The following PRSS53 variants were observed in gnomAD, a reference collection of about 807,000 sequenced individuals.
PRSS53 encodes the protein serine protease 53, also known as EDTP308.
PRSS53 carries 54 observed loss-of-function variants against 62.7 expected under a neutral mutation model. The ratio of observed to expected loss-of-function variants is 0.86; its 90% CI spans 0.69 to 1.08. PRSS53 has a LOEUF of 1.08. PRSS53 is among the 50% of genes least tolerant of loss of function. The pLI, the probability that PRSS53 is intolerant of heterozygous loss-of-function variation, is 0.00. For synonymous variants in PRSS53, 273 were observed against 300.0 expected (o/e 0.91, Z 0.93); for missense variants, 688 against 728.3 (o/e 0.94, Z 0.64).
intron 10 of PRSS53, 50 bp from the exon 11 acceptor site, chr16:31,083,859 T>TGCCACCCAA: frequency 6.3e-7 from 1 of 1,590,058 alleles, no homozygotes; most frequent in Non-Finnish European, 8.6e-7. Context: ...ACGGCTTTGG[T>TGCCACCCAA]CCCTCCCTCC....
exon 6 of PRSS53, chr16:31,086,105 T>G: frequency 6.2e-7 from 1 of 1,613,684 alleles, no homozygotes. Flanking sequence ...TGGGCACAGC[T>G]TGATGCAAAG....
intron 10 of PRSS53, 144 bp from the exon 11 acceptor site, chr16:31,083,953 G>T: frequency 2.6e-6 from 4 of 1,515,184 alleles, no homozygotes; most frequent in Non-Finnish European, 2.7e-6. Context: ...TGAGCAGCCT[G>T]CTCCAAGTCA....
chr16:31,087,085 C>A, intron 3 of PRSS53, 187 bp from the exon 4 acceptor site: 1 of 603,074 alleles, frequency 1.7e-6, no homozygotes, highest in African/African-American at 1.9e-5. Context: ...CAAGCCTTGA[C>A]CTCCCAGGCT....
chr16:31,085,247 C>T (rs1385676678), exon 7 of PRSS53: 1 of 1,579,864 alleles, frequency 6.3e-7, no homozygotes, highest in Non-Finnish European at 8.6e-7. Flanking sequence ...CTGCTGTCCT[C>T]AAGGATCCAC....
exon 4 of PRSS53, chr16:31,086,738 C>G: frequency 6.3e-7 from 1 of 1,596,630 alleles, no homozygotes; most frequent in Non-Finnish European, 8.5e-7. Context: ...GTGGGGTGGG[C>G]GAGCTGCAGC....
At chr16:31,085,898 C>T (rs2057227211) in intron 6 of PRSS53, 66 bp downstream of exon 6, 2 of 1,449,500 alleles carry the variant, frequency 1.4e-6, no homozygotes, top group Non-Finnish European at 1.9e-6. Flanking sequence ...TATGCCAGTT[C>T]TCTAGTCCTA....
intron 10 of PRSS53, 66 bp from the exon 11 acceptor site, chr16:31,083,875 CAT>C: frequency 6.2e-7 from 1 of 1,610,714 alleles, no homozygotes; most frequent in African/African-American, 1.3e-5. Flanking sequence ...CCTCCCTCCC[CAT>C]TCCTCGAAGG....
intron 1 of PRSS53, chr16:31,088,127 C>T (rs755101578): frequency 1.1e-4 from 151 of 1,352,198 alleles, no homozygotes; most frequent in Non-Finnish European, 1.3e-4. Flanking sequence ...CTCCTGCCCC[C>T]GCCACTGAGT....
In PRSS53 at chr16:31,088,745, G is replaced by C. The variant is rs146786245; in HGVS notation, c.58+7C>G. ...CCACACCCATACCCCAGCACATGGCGGCTTACCCTCCATGAGGACTGTGGC... is the reference window on the plus strand; with the variant it reads ...CCACACCCATACCCCAGCACATGGCCGCTTACCCTCCATGAGGACTGTGGC... On this transcript the variant is annotated splice_region_variant and intron_variant, in intron 1 of 10. Transcript: ENST00000280606. The C allele has an allele frequency of 7.4e-6, 12 of 1,613,396 alleles. No individual in the cohort carries two copies. In the Admixed American group the frequency reaches 2.0e-4, roughly 27 times the overall value.
chr16:31,084,459 G>A, intron 9 of PRSS53, 99 bp downstream of exon 9: 1 of 1,501,394 alleles, frequency 6.7e-7, no homozygotes, highest in Non-Finnish European at 9.0e-7. Context: ...TCAGGTGGGA[G>A]GTGGGTCCAG....
At chr16:31,087,282 C>T in intron 3 of PRSS53, 1 of 567,090 alleles carries the variant, frequency 1.8e-6, no homozygotes, top group East Asian at 3.0e-5. Flanking sequence ...CAAGCGTGAG[C>T]TACTGTGCCC....
At chr16:31,084,640 T>G in exon 9 of PRSS53, 4 of 1,608,260 alleles carry the variant, frequency 2.5e-6, no homozygotes, top group Non-Finnish European at 3.4e-6. Context: ...AGGAGCTGCA[T>G]GCAGCCGGCT....
In PRSS53 at chr16:31,086,353, A is replaced by G. The variant is rs769797360; in HGVS notation, c.647T>C (p.Val216Ala). The G allele has an allele frequency of 3.3e-5, 54 of 1,612,468 alleles. No individual in the cohort carries two copies. The East Asian group carries it at 1.1e-3, about 33-fold the overall frequency. ...CTATCAGACCTGACAGGGGCCCTGCACCCCAGGCTGGGGGCCCCCACATAG... is the reference window on the plus strand; with the variant it reads ...CTATCAGACCTGACAGGGGCCCTGCGCCCCAGGCTGGGGGCCCCCACATAG... Residue 216 changes from valine to alanine, a missense_variant, in exon 5 of 11, where the codon GTG becomes GCG. Transcript: ENST00000280606.
intron 9 of PRSS53, 71 bp from the exon 10 acceptor site, chr16:31,084,406 A>G: frequency 6.6e-7 from 1 of 1,519,940 alleles, no homozygotes; most frequent in Non-Finnish European, 8.9e-7. Flanking sequence ...CAGGCTAGGG[A>G]ACCTCTGGCT....
exon 3 of PRSS53, chr16:31,087,680 G>A (rs750018444): frequency 1.2e-5 from 20 of 1,611,770 alleles, no homozygotes; most frequent in African/African-American, 4.0e-5. Flanking sequence ...TGGGGGGGCC[G>A]GGGCCACGCT....
chr16:31,085,237 C>T (rs757792377), exon 7 of PRSS53: 1 of 1,590,960 alleles, frequency 6.3e-7, no homozygotes, highest in East Asian at 2.2e-5. Context: ...GCCTGGGGAC[C>T]TGCTGTCCTC....
chr16:31,086,947 G>A (rs1397919010), intron 3 of PRSS53, 49 bp from the exon 4 acceptor site: 4 of 1,525,310 alleles, frequency 2.6e-6, no homozygotes, highest in Middle Eastern at 1.9e-4. Flanking sequence ...AGGGTAGACA[G>A]TGACACCATG....
chr16:31,086,766 C>T (rs1161173068), exon 4 of PRSS53: 14 of 1,612,690 alleles, frequency 8.7e-6, no homozygotes, highest in South Asian at 2.2e-5. Context: ...GGTCTGAGCC[C>T]TGGCTGTAGT....
At chr16:31,088,395 TGCC>T (rs2057256657) in intron 1 of PRSS53, 2 of 1,164,912 alleles carry the variant, frequency 1.7e-6, no homozygotes, top group African/African-American at 3.2e-5. Flanking sequence ...TGAGCCAGGC[TGCC>T]CAGAGGATGG....
Sources: allele counts gnomAD v4.1 joint callset, GRCh38; gene constraint gnomAD v4.1.1; transcripts MANE v1.5; gene names NCBI Gene and HGNC (gene_info 2026-07-23, HGNC 2026-07-21).